The following FAT3 variants were observed in gnomAD, a reference collection of about 807,000 sequenced individuals.
FAT3 encodes FAT atypical cadherin 3, also known as protocadherin Fat 3.
In FAT3, 95 loss-of-function variants were observed where a neutral mutation model predicts 310.2. The observed-to-expected ratio is 0.31, with a 90% CI of 0.26 to 0.36. FAT3 has a LOEUF of 0.36. Ranked by LOEUF, FAT3 falls within the 10% of genes least tolerant of loss-of-function variation. The pLI is 1.00. For synonymous variants in FAT3, 2,314 were observed against 2,192.9 expected (o/e 1.06, Z -1.54); for missense variants, 5,408 against 5,715.6 (o/e 0.95, Z 1.74).
intron 2 of FAT3, among the ~76,000 whole-genome samples, chr11:92,432,506 T>C (rs147208627): frequency 0.013 from 2,024 of 152,316 alleles, 30 homozygotes; most frequent in Non-Finnish European, 0.019. Flanking sequence ...GTTTTTCTTC[T>C]AACAGTCAGG....
At chr11:92,665,539 A>C (rs1942922556) in intron 3 of FAT3, among the ~76,000 whole-genome samples, 1 of 152,204 alleles carries the variant, frequency 6.6e-6, no homozygotes, top group South Asian at 2.1e-4. Flanking sequence ...AGTTTTTGTA[A>C]CTTCCCTGAA....
At chr11:92,567,148 G>A (rs375897142) in intron 3 of FAT3, among the ~76,000 whole-genome samples, 3 of 150,656 alleles carry the variant, frequency 2.0e-5, no homozygotes, top group Non-Finnish European at 4.4e-5. Context: ...TCTGACAAAG[G>A]GCTAATATCC....
At position 92,813,589 on chromosome 11, in the gene FAT3, A is replaced by G. The variant is rs540861792; in HGVS notation, c.9481+3513A>G. Among the ~76,000 whole-genome samples, 5 of 152,180 alleles carry G rather than the reference A, an allele frequency of 3.3e-5. No individual in the cohort carries two copies. In the East Asian group the frequency reaches 9.7e-4, roughly 29 times the overall value. Reference sequence around the variant, plus strand: ...ACCCACTCCCTGCACCTGCTTCCCAATCCCTAACCCCTGACAACCACTGAC... The same window carrying G: ...ACCCACTCCCTGCACCTGCTTCCCAGTCCCTAACCCCTGACAACCACTGAC... On this transcript the variant is annotated intron_variant, in intron 13 of 27. Coordinates refer to ENST00000525166, the MANE Select transcript of FAT3 (RefSeq NM_001367949.2).
chr11:92,518,446 G>A (rs949004493), intron 2 of FAT3, among the ~76,000 whole-genome samples: 2 of 152,062 alleles, frequency 1.3e-5, no homozygotes, highest in African/African-American at 2.4e-5. Context: ...TCACTCATAA[G>A]TGGGAATTGA....
intron 3 of FAT3, among the ~76,000 whole-genome samples, chr11:92,544,089 C>T (rs1954540931): frequency 6.6e-6 from 1 of 152,058 alleles, no homozygotes. Flanking sequence ...GTGTGAGATC[C>T]CTGTAGTCAG....
At chr11:92,600,727 G>T (rs1356327804) in intron 3 of FAT3, among the ~76,000 whole-genome samples, 1 of 151,902 alleles carries the variant, frequency 6.6e-6, no homozygotes, top group Non-Finnish European at 1.5e-5. Flanking sequence ...ATTTTAAAAA[G>T]AAATAATAAC....
At chr11:92,443,789 G>T (rs1051328407) in intron 2 of FAT3, among the ~76,000 whole-genome samples, 1 of 152,094 alleles carries the variant, frequency 6.6e-6, no homozygotes, top group Admixed American at 6.6e-5. Context: ...AGATGGTTAC[G>T]AAGGAGGAGG....
chr11:92,809,703 T>G, intron 12 of FAT3, 140 bp from the exon 13 acceptor site: 1 of 644,178 alleles, frequency 1.6e-6, no homozygotes, highest in Admixed American at 3.1e-5. Flanking sequence ...TTTGCTACAT[T>G]TTTAAAGTAT....
chr11:92,347,031 A>C (rs1310582452), intron 1 of FAT3, among the ~76,000 whole-genome samples: 4 of 152,210 alleles, frequency 2.6e-5, no homozygotes, highest in Non-Finnish European at 4.4e-5. Context: ...CCATTTATTA[A>C]CTCAAATCCT....
intron 2 of FAT3, among the ~76,000 whole-genome samples, chr11:92,446,361 A>G (rs1951208286): frequency 6.6e-6 from 1 of 152,184 alleles, no homozygotes; most frequent in South Asian, 2.1e-4. Context: ...CTGGACTGGC[A>G]TGAAGGAAGA....
chr11:92,363,594 A>G (rs1948935574), intron 2 of FAT3, among the ~76,000 whole-genome samples: 1 of 152,198 alleles, frequency 6.6e-6, no homozygotes. Flanking sequence ...TTAATTCATG[A>G]CAAATCCAGA....
chr11:92,426,709 G>C (rs1950642261), intron 2 of FAT3, among the ~76,000 whole-genome samples: 1 of 151,980 alleles, frequency 6.6e-6, no homozygotes, highest in South Asian at 2.1e-4. Flanking sequence ...TATTTCTGAG[G>C]CCTCTGTTCT....
chr11:92,367,001 T>G (rs774747553), intron 2 of FAT3: 1 of 519,622 alleles, frequency 1.9e-6, no homozygotes, highest in Non-Finnish European at 3.8e-6. Flanking sequence ...AGGTGTCAAG[T>G]CCTCATTACT....
In FAT3 at chr11:92,797,896, A is replaced by G; in HGVS notation, c.4883A>G (p.Glu1628Gly). The change falls in exon 10 of 28, where the codon GAA (glutamate) becomes GGA (glycine). Residue 1628 changes from glutamate to glycine, a missense_variant. Transcript: ENST00000525166. ...CTAGGCATCATCACCATTTGCAAAG[A>G]ACCAGACATGACGACGATGGGTCAG... Reference protein sequence around the residue: ...PVLGIITICKEPDMTTMGQFV... With the variant: ...PVLGIITICKGPDMTTMGQFV... 1 of 1,613,962 alleles carries G rather than the reference A, an allele frequency of 6.2e-7. No homozygotes were observed. The highest frequency in any genetic ancestry group is 8.5e-7 in the Non-Finnish European group (1 of 1,179,850).
chr11:92,545,469 T>A (rs2135422486), intron 3 of FAT3, among the ~76,000 whole-genome samples: 1 of 152,344 alleles, frequency 6.6e-6, no homozygotes, highest in Non-Finnish European at 1.5e-5. Flanking sequence ...TTACTAAATA[T>A]TTGTTGAATG....
At chr11:92,428,290 GTCTA>G (rs1398778087) in intron 2 of FAT3, among the ~76,000 whole-genome samples, 8 of 146,702 alleles carry the variant, frequency 5.5e-5, no homozygotes, top group African/African-American at 1.5e-4. Context: ...CTGGCTAGCA[GTCTA>G]TCTATTTTGT....
chr11:92,526,320 T>C (rs796795434), intron 3 of FAT3, among the ~76,000 whole-genome samples: 16 of 151,744 alleles, frequency 1.1e-4, no homozygotes, highest in African/African-American at 3.9e-4. Context: ...AGAGTGAGGG[T>C]TGTGGTGGAG....
At chr11:92,567,023 C>A (rs1451743918) in intron 3 of FAT3, among the ~76,000 whole-genome samples, 1 of 151,976 alleles carries the variant, frequency 6.6e-6, no homozygotes, top group African/African-American at 2.4e-5. Context: ...CAACAAAAGC[C>A]AAAATTGACA....
intron 5 of FAT3, 24 bp downstream of exon 5, chr11:92,762,194 G>A (rs2136086878): frequency 2.5e-6 from 4 of 1,589,250 alleles, no homozygotes; most frequent in Non-Finnish European, 3.4e-6. Flanking sequence ...AACTCCAGCA[G>A]CACAGCAGAT....
Sources: gnomAD v4.1 joint callset for allele counts (sites outside exome capture counted in the v4.1 genomes callset) on GRCh38, gnomAD v4.1.1 for gene constraint, MANE v1.5 for transcripts, NCBI Gene and HGNC (gene_info 2026-07-23, HGNC 2026-07-21) for gene names.